LCORL: variants seen among roughly 807,000 people sequenced by gnomAD.
The protein encoded by LCORL is ligand-dependent nuclear receptor corepressor-like protein.
LCORL carries 41 observed loss-of-function variants against 141.8 expected under a neutral mutation model. The observed-to-expected ratio is 0.29, with a 90% confidence interval of 0.23 to 0.38. The LOEUF (loss-of-function observed/expected upper bound fraction) is 0.38. LCORL is among the 10% of genes least tolerant of loss of function. LCORL has a pLI of 1.00. For synonymous variants in LCORL, 618 were observed against 694.1 expected, an observed-to-expected ratio of 0.89 and a Z score of 1.72; for missense variants, 1,759 against 2,035.0, an observed-to-expected ratio of 0.86 and a Z score of 2.61.
chr4:17,898,652 G>GTTTTTTTTTTTTTTTT (rs34770223), intron 5 of LCORL, among the ~76,000 whole-genome samples: 1 of 119,272 alleles, frequency 8.4e-6, no homozygotes, highest in Admixed American at 8.7e-5. Context: ...CATTCTCACC[G>GTTTTTTTTTTTTTTTT]TTTTTTTTTT....
Position 18,021,670 on chromosome 4 carries a change from G to A in LCORL, c.82C>T (p.Arg28Trp), listed in dbSNP as rs574109933. Residue 28 changes from arginine (R) to tryptophan (W), a missense_variant, in exon 1 of 8, where the codon CGG becomes TGG. By Grantham distance (101) the Arg-to-Trp change is moderately radical (BLOSUM62 -3). This residue lies in a region of LCORL where 86 missense variants were observed against 61.8 expected (regional missense o/e 1.39). Coordinates refer to ENST00000635767, the Ensembl canonical transcript of LCORL. The surrounding 1 kb of genome is among the most constrained non-coding windows in gnomAD (Gnocchi z 5.5). Reference sequence around the variant, plus strand: ...AATCCTCTTCTCTCCGCCGCGCACCGAGGGCTCCGGCACTGAGCGGCGGCG... The same window carrying A: ...AATCCTCTTCTCTCCGCCGCGCACCAAGGGCTCCGGCACTGAGCGGCGGCG... 1.3e-6 allele frequency: 2 copies of A among 1,545,014 alleles called. No homozygotes were observed. The highest frequency in any genetic ancestry group is 1.2e-5 in the South Asian group (1 of 83,824).
intron 7 of LCORL, among the ~76,000 whole-genome samples, chr4:17,866,453 T>C (rs923873907): frequency 6.6e-6 from 1 of 152,218 alleles, no homozygotes; most frequent in Non-Finnish European, 1.5e-5. Context: ...TCTAACATAC[T>C]GCCTAGCACG....
chr4:17,925,426 C>A (rs763670240), intron 4 of LCORL, among the ~76,000 whole-genome samples: 4 of 152,076 alleles, frequency 2.6e-5, no homozygotes, highest in Non-Finnish European at 5.9e-5. Flanking sequence ...GTCACTCCAT[C>A]GGGTAAAAAC....
chr4:17,916,765 C>G (rs78401575), intron 4 of LCORL, among the ~76,000 whole-genome samples: 2 of 149,292 alleles, frequency 1.3e-5, no homozygotes, highest in Non-Finnish European at 3.0e-5. Context: ...ATGTCTCCAT[C>G]TCCCGAGTAG....
chr4:18,001,459 C>A (rs1365750536), intron 1 of LCORL, among the ~76,000 whole-genome samples: 1 of 152,068 alleles, frequency 6.6e-6, no homozygotes, highest in Non-Finnish European at 1.5e-5. Context: ...AAATTTAAGG[C>A]TTTATCCTAA....
intron 1 of LCORL, among the ~76,000 whole-genome samples, chr4:17,988,427 C>T (rs184509042): frequency 6.6e-6 from 1 of 152,176 alleles, no homozygotes; most frequent in Admixed American, 6.5e-5. Flanking sequence ...ATGCACCATG[C>T]CTGGCTTATT....
At chr4:18,017,116 C>T (rs561025251) in intron 1 of LCORL, among the ~76,000 whole-genome samples, 2 of 152,148 alleles carry the variant, frequency 1.3e-5, no homozygotes, top group East Asian at 1.9e-4. Context: ...ATTGGCCAAA[C>T]CTGGGACAAT....
At chr4:17,918,062 T>C (rs1162482470) in intron 4 of LCORL, among the ~76,000 whole-genome samples, 4 of 152,222 alleles carry the variant, frequency 2.6e-5, no homozygotes, top group Non-Finnish European at 4.4e-5. Context: ...AGTCTTACGA[T>C]TGTAGACGTA....
At chr4:17,934,404 CAA>C (rs1252183040) in intron 4 of LCORL, among the ~76,000 whole-genome samples, 1 of 151,926 alleles carries the variant, frequency 6.6e-6, no homozygotes, top group Non-Finnish European at 1.5e-5. Context: ...TAAAACAAAA[CAA>C]AAAATTGAAT....
intron 7 of LCORL, among the ~76,000 whole-genome samples, chr4:17,859,779 T>C (rs912285434): frequency 6.6e-6 from 1 of 152,174 alleles, no homozygotes; most frequent in Non-Finnish European, 1.5e-5. Flanking sequence ...ACAAAATCAA[T>C]GTACAAAAAT....
intron 2 of LCORL, among the ~76,000 whole-genome samples, chr4:17,969,107 C>A (rs1560419782): frequency 6.6e-6 from 1 of 152,126 alleles, no homozygotes; most frequent in Non-Finnish European, 1.5e-5. Context: ...AAAAGATTAA[C>A]TAAGGTAGGA....
chr4:17,936,360 GA>G lies in LCORL; in HGVS notation c.430+25542del, dbSNP rs10646952. ...ATAAAATCTAATCCAGTCTCATAATGAAAAAAAAAAAAAAAAAGAAACAAAA... is the reference window on the plus strand; with the variant it reads ...ATAAAATCTAATCCAGTCTCATAATGAAAAAAAAAAAAAAAAGAAACAAAA... On this transcript the variant is annotated intron_variant, in intron 4 of 7. Transcript: ENST00000635767. 3.1e-3 allele frequency among the ~76,000 whole-genome samples: 297 copies of G among 96,408 alleles called. 1 individual carries two copies. The highest frequency in any genetic ancestry group is 0.012 in the Middle Eastern group (2 of 166). The allele number at this position is 96,408 out of a possible 152,430, so 63.2% of individuals were successfully genotyped here. A position where few individuals can be genotyped will look rare whatever the true frequency, so the allele number is the denominator to read the frequency against.
At chr4:17,883,246 T>G in intron 6 of LCORL, 1 of 984,960 alleles carries the variant, frequency 1.0e-6, no homozygotes, top group Non-Finnish European at 1.2e-6. Flanking sequence ...ATTTAAACTT[T>G]GATTGGTTGC....
chr4:17,846,944 CTT>C (rs1723007394), intron 7 of LCORL, among the ~76,000 whole-genome samples: 1 of 152,144 alleles, frequency 6.6e-6, no homozygotes, highest in African/African-American at 2.4e-5. Flanking sequence ...TGGTAACATT[CTT>C]TTCTCTGTGA....
At chr4:17,887,928 C>T (rs913274986) in intron 5 of LCORL, among the ~76,000 whole-genome samples, 1 of 152,012 alleles carries the variant, frequency 6.6e-6, no homozygotes, top group African/African-American at 2.4e-5. Flanking sequence ...CCCCGGCAAC[C>T]CCTCCTAATT....
chr4:17,979,141 T>C (rs900738543), intron 1 of LCORL, among the ~76,000 whole-genome samples: 16 of 152,180 alleles, frequency 1.1e-4, no homozygotes, highest in African/African-American at 3.6e-4. Flanking sequence ...AGTGAGAACA[T>C]GCGGTGTTTG....
rs547311258 is a variant in LCORL, at chr4:17,942,947, G to A, written c.430+18956C>T. ...GAGAACCAACCCTATTGTGAACTGT[G>A]CATGAGAGGAATCTAGGTTGCATAC... On this transcript the variant is annotated intron_variant, in intron 4 of 7. Coordinates refer to ENST00000635767, the Ensembl canonical transcript of LCORL. 2.8e-4 allele frequency among the ~76,000 whole-genome samples: 42 copies of A among 152,230 alleles called. 1 individual carries two copies. Among genetic ancestry groups the A allele is most frequent in the African/African-American group, 9.4e-4 (39 of 41,532 alleles).
At chr4:17,846,019 A>G (rs1722888064) in intron 7 of LCORL, 118 bp from the exon 8 acceptor site, 5 of 763,658 alleles carry the variant, frequency 6.5e-6, no homozygotes, top group Non-Finnish European at 8.6e-6. Flanking sequence ...GCATACATAA[A>G]GCATTTATCC....
chr4:17,901,765 AG>A (rs1207616066), intron 5 of LCORL, among the ~76,000 whole-genome samples: 1 of 152,122 alleles, frequency 6.6e-6, no homozygotes, highest in African/African-American at 2.4e-5. Flanking sequence ...CCAATCCAAA[AG>A]AAAATAAGGA....
Sources: gnomAD v4.1 joint callset for allele counts (sites outside exome capture counted in the v4.1 genomes callset) on GRCh38, gnomAD v4.1.1 for gene constraint, gnomAD v4.1.1 regional missense constraint, Gnocchi (gnomAD v3.1) non-coding constraint, MANE v1.5 for transcripts, NCBI Gene and HGNC (gene_info 2026-07-23, HGNC 2026-07-21) for gene names.